The following CACNA1D variants were observed in gnomAD, a reference collection of about 807,000 sequenced individuals.
CACNA1D encodes the protein calcium voltage-gated channel subunit alpha1 D.
In CACNA1D, 55 loss-of-function variants were observed where a neutral mutation model predicts 257.1. The ratio of observed to expected loss-of-function variants is 0.21; its 90% CI spans 0.17 to 0.27. The LOEUF (loss-of-function observed/expected upper bound fraction) is 0.27. Ranked by LOEUF, CACNA1D falls within the 10% of genes least tolerant of loss-of-function variation. The pLI is 1.00. For synonymous variants in CACNA1D, 980 were observed against 1,014.9 expected, an observed-to-expected ratio of 0.97 and a Z score of 0.65; for missense variants, 1,876 against 2,784.0, an observed-to-expected ratio of 0.67 and a Z score of 7.34.
Position 53,800,927 on chromosome 3 carries a change from CA to C in CACNA1D, c.5041-130del. The C allele has an allele frequency of 1.2e-6, 1 of 861,480 alleles. No homozygotes were observed. The highest frequency in any genetic ancestry group is 1.7e-5 in the Admixed American group (1 of 57,310). The allele number at this position is 861,480 out of a possible 1,614,324, so 53.4% of individuals were successfully genotyped here. ...CATTCACCCTGATCATTGAGACACTCAGATTGTTTTACAGGGATCCTACGGA... is the reference window on the plus strand; with the variant it reads ...CATTCACCCTGATCATTGAGACACTCGATTGTTTTACAGGGATCCTACGGA... On this transcript the variant is annotated intron_variant, in intron 41 of 47. Coordinates refer to ENST00000350061, the MANE Select transcript of CACNA1D (RefSeq NM_001128840.3). This position sits in a 1 kb window ranked among gnomAD's most constrained non-coding sequence, Gnocchi z 4.3.
intron 8 of CACNA1D, among the ~76,000 whole-genome samples, chr3:53,689,617 G>A (rs1352034265): frequency 1.3e-5 from 2 of 152,132 alleles, no homozygotes; most frequent in Middle Eastern, 3.4e-3. Context: ...TCAAGTCTGG[G>A]GATGTGGATT....
At chr3:53,626,654 G>C (rs1194349701) in intron 3 of CACNA1D, among the ~76,000 whole-genome samples, 1 of 152,166 alleles carries the variant, frequency 6.6e-6, no homozygotes, top group African/African-American at 2.4e-5. Context: ...TGTGGTTTCA[G>C]TTTCAGCTTT....
intron 3 of CACNA1D, among the ~76,000 whole-genome samples, chr3:53,564,871 C>T (rs1261763823): frequency 2.0e-5 from 3 of 152,168 alleles, no homozygotes; most frequent in African/African-American, 7.2e-5. Context: ...CTTAAGAAAA[C>T]CTTTTCTACC....
chr3:53,786,644 A>G, intron 39 of CACNA1D, 178 bp from the exon 40 acceptor site: 1 of 624,554 alleles, frequency 1.6e-6, no homozygotes, highest in Non-Finnish European at 2.9e-6. Flanking sequence ...GCTTTGCAAA[A>G]CCTTGCTTTT....
At chr3:53,653,409 C>T (rs2094117782) in intron 4 of CACNA1D, among the ~76,000 whole-genome samples, 1 of 151,890 alleles carries the variant, frequency 6.6e-6, no homozygotes, top group Admixed American at 6.5e-5. Context: ...CCTGAAATGA[C>T]AGAGATGATG....
At chr3:53,733,299 C>T (rs765797786) in intron 19 of CACNA1D, among the ~76,000 whole-genome samples, 11 of 152,252 alleles carry the variant, frequency 7.2e-5, no homozygotes, top group Non-Finnish European at 1.5e-4. Flanking sequence ...CTGGAGCTCA[C>T]TGCTCTGGTG....
intron 3 of CACNA1D, among the ~76,000 whole-genome samples, chr3:53,639,882 G>A (rs1293424404): frequency 6.1e-4 from 27 of 44,164 alleles, no homozygotes; most frequent in Middle Eastern, 0.015. Context: ...TTTTTTTTTT[G>A]ACACAGAGTC....
intron 8 of CACNA1D, among the ~76,000 whole-genome samples, chr3:53,674,975 G>A (rs2094360173): frequency 6.6e-6 from 1 of 152,216 alleles, no homozygotes; most frequent in African/African-American, 2.4e-5. Flanking sequence ...GTTAGTGAAA[G>A]GCTTTAATCG....
chr3:53,680,962 C>T (rs2094424355), intron 8 of CACNA1D, among the ~76,000 whole-genome samples: 1 of 151,320 alleles, frequency 6.6e-6, no homozygotes, highest in African/African-American at 2.4e-5. Flanking sequence ...TAAAGTTCAA[C>T]AGCTCCTTTT....
At position 53,732,032 on chromosome 3, in the gene CACNA1D, A is replaced by G. The variant is rs1048955693; in HGVS notation, c.2423A>G (p.Tyr808Cys). ...NSDNKVTIDD[Y>C]REEDEDKDPY... is the part of the protein sequence containing the mutation. ...TCATCCTAGGTTACAATTGATGACT[A>G]TAGAGAAGAGGATGAAGACAAGGAC... The change falls in exon 18 of 48, where the codon TAT becomes TGT. Residue 808 changes from tyrosine to cysteine, a missense_variant. Around this residue, in one of 10 missense-constraint regions of CACNA1D, gnomAD observed 78 missense variants for 69.2 expected, o/e 1.13. Transcript: ENST00000350061. 15 of 1,609,774 alleles carry G rather than the reference A, an allele frequency of 9.3e-6. No individual in the cohort carries two copies. The Admixed American group carries it at 1.0e-4, about 11-fold the overall frequency.
intron 3 of CACNA1D, among the ~76,000 whole-genome samples, chr3:53,524,949 G>T (rs1019851016): frequency 2.0e-5 from 3 of 152,124 alleles, no homozygotes; most frequent in African/African-American, 7.2e-5. Flanking sequence ...GAGGTTCTGC[G>T]TGGCCTGGAG....
intron 8 of CACNA1D, among the ~76,000 whole-genome samples, chr3:53,684,071 A>G (rs1387756602): frequency 6.6e-6 from 1 of 152,186 alleles, no homozygotes; most frequent in Non-Finnish European, 1.5e-5. Context: ...AGAAAATAAT[A>G]AGAATATGCA....
chr3:53,810,813 T>C (rs1244283575), intron 47 of CACNA1D, among the ~76,000 whole-genome samples: 1 of 144,948 alleles, frequency 6.9e-6, no homozygotes, highest in African/African-American at 2.6e-5. Context: ...CCGTCAATTC[T>C]CATAAATGAG....
At chr3:53,524,266 G>GGT (rs1477895209) in intron 3 of CACNA1D, among the ~76,000 whole-genome samples, 1 of 152,228 alleles carries the variant, frequency 6.6e-6, no homozygotes, top group African/African-American at 2.4e-5. Flanking sequence ...GACATCCTGG[G>GGT]AAGGATTCCC....
intron 33 of CACNA1D, chr3:53,773,267 GAA>G: frequency 2.6e-5 from 8 of 309,800 alleles, no homozygotes; most frequent in Non-Finnish European, 3.1e-5. Context: ...CGCGGGAACA[GAA>G]GGCTGGTGCT....
chr3:53,571,054 T>C (rs2092934149), intron 3 of CACNA1D, among the ~76,000 whole-genome samples: 1 of 152,212 alleles, frequency 6.6e-6, no homozygotes, highest in Admixed American at 6.5e-5. Context: ...TATTCCTGAA[T>C]CACATCCTTG....
rs1220574756 is a variant in CACNA1D, at chr3:53,691,740, TAC to T, written c.1221-10899_1221-10898del. Among the ~76,000 whole-genome samples, 8 of 52,826 alleles carry T rather than the reference TAC, an allele frequency of 1.5e-4. No homozygotes were observed. In the South Asian group the frequency reaches 2.8e-3, roughly 18 times the overall value. The allele number at this position is 52,826 out of a possible 152,430, so 34.7% of individuals were successfully genotyped here. On this transcript the variant is annotated intron_variant, in intron 8 of 47. Coordinates refer to ENST00000350061, the MANE Select transcript of CACNA1D (RefSeq NM_001128840.3). The stretch of plus-strand genomic sequence containing the variant: ...TATATTACATATATAATATATATAT[TAC>T]ATATATAATATATATTACATATAAT...
At chr3:53,622,761 A>G (rs1171652484) in intron 3 of CACNA1D, among the ~76,000 whole-genome samples, 3 of 152,216 alleles carry the variant, frequency 2.0e-5, no homozygotes, top group Non-Finnish European at 4.4e-5. Context: ...AAAAGGTAGA[A>G]ACAGCATAGA....
intron 3 of CACNA1D, among the ~76,000 whole-genome samples, chr3:53,511,726 T>C (rs1410329725): frequency 3.9e-5 from 6 of 152,162 alleles, no homozygotes. Flanking sequence ...AACATAGCCA[T>C]TATTTAATCA....
Sources: allele counts gnomAD v4.1 joint callset (sites outside exome capture counted in the v4.1 genomes callset), GRCh38; gene constraint gnomAD v4.1.1; regional missense constraint gnomAD v4.1.1; non-coding constraint Gnocchi (gnomAD v3.1); transcripts MANE v1.5; gene names NCBI Gene and HGNC (gene_info 2026-07-23, HGNC 2026-07-21).